PAPSS2: variants seen among roughly 807,000 people sequenced by gnomAD.
PAPSS2 encodes the protein bifunctional 3'-phosphoadenosine 5'-phosphosulfate synthase 2.
In PAPSS2, 61 loss-of-function variants were observed where a neutral mutation model predicts 66.5. The ratio of observed to expected loss-of-function variants is 0.92; its 90% CI spans 0.75 to 1.14. The LOEUF (loss-of-function observed/expected upper bound fraction) is 1.14, where lower values mean the gene tolerates loss of function less well. PAPSS2 is among the 50% of genes most tolerant of loss of function. The pLI, the probability that PAPSS2 is intolerant of heterozygous loss-of-function variation, is 0.00. For missense variants in PAPSS2, 708 were observed against 789.6 expected (o/e 0.90, Z 1.24); for synonymous variants, 289 against 287.5 (o/e 1.01, Z -0.05).
intron 1 of PAPSS2, among the ~76,000 whole-genome samples, chr10:87,678,235 G>A (rs990938703): frequency 1.4e-4 from 21 of 152,014 alleles, no homozygotes; most frequent in African/African-American, 3.1e-4. Flanking sequence ...GAAAATTGAC[G>A]ATCCATACAC....
At chr10:87,706,598 A>G (rs1221387575) in intron 1 of PAPSS2, among the ~76,000 whole-genome samples, 1 of 151,724 alleles carries the variant, frequency 6.6e-6, no homozygotes, top group Non-Finnish European at 1.5e-5. Context: ...CTGTACAAAA[A>G]AAAAAAAAAA....
intron 1 of PAPSS2, among the ~76,000 whole-genome samples, chr10:87,707,555 CT>C (rs1233023533): frequency 7.8e-6 from 1 of 127,742 alleles, no homozygotes; most frequent in Non-Finnish European, 1.7e-5. Context: ...GTTTTCATTT[CT>C]TTTTTTTCTT....
intron 9 of PAPSS2, among the ~76,000 whole-genome samples, 189 bp downstream of exon 9, chr10:87,727,678 GT>G (rs1853677198): frequency 6.6e-6 from 1 of 152,216 alleles, no homozygotes; most frequent in Non-Finnish European, 1.5e-5. Context: ...ATGTCTTTCT[GT>G]TTGAGGTCTG....
At chr10:87,703,287 G>A (rs1853341724) in intron 1 of PAPSS2, among the ~76,000 whole-genome samples, 2 of 68,694 alleles carry the variant, frequency 2.9e-5, no homozygotes, top group South Asian at 6.8e-4. Flanking sequence ...GTGTGTGTGT[G>A]TGTGTGTGTG....
rs192213949 is a variant in PAPSS2, at chr10:87,681,545, T to A, written c.27+21537T>A. ...AGACTTTTCTTAGAAACAGCTTTATTGAGAAATAATTTATATACTATAAAA... is the reference window on the plus strand; with the variant it reads ...AGACTTTTCTTAGAAACAGCTTTATAGAGAAATAATTTATATACTATAAAA... On this transcript the variant is annotated intron_variant, in intron 1 of 12. Transcript: ENST00000456849. 6.4e-4 allele frequency among the ~76,000 whole-genome samples: 97 copies of A among 152,346 alleles called. 1 individual carries two copies. The highest frequency in any genetic ancestry group is 2.1e-3 in the African/African-American group (86 of 41,568).
intron 1 of PAPSS2, among the ~76,000 whole-genome samples, chr10:87,670,577 C>G (rs1011233212): frequency 2.9e-5 from 1 of 34,830 alleles, no homozygotes; most frequent in Admixed American, 3.2e-4. Context: ...AAAGATGGAG[C>G]ACACACACAC....
chr10:87,728,630 C>T (rs937402596), intron 9 of PAPSS2, among the ~76,000 whole-genome samples: 2 of 152,116 alleles, frequency 1.3e-5, no homozygotes, highest in Non-Finnish European at 2.9e-5. Flanking sequence ...ATCCCAGCTA[C>T]TCAGGAGGCT....
chr10:87,676,458 G>A (rs1181660092), intron 1 of PAPSS2, among the ~76,000 whole-genome samples: 1 of 152,090 alleles, frequency 6.6e-6, no homozygotes, highest in Non-Finnish European at 1.5e-5. Context: ...TAGCATTTCT[G>A]GGAGAAATAT....
intron 1 of PAPSS2, among the ~76,000 whole-genome samples, chr10:87,706,108 A>ATATATATGTGTGTGTGTGTGTGTGTG: frequency 5.8e-5 from 3 of 52,018 alleles, no homozygotes; most frequent in African/African-American, 3.0e-4. Flanking sequence ...ATATATATAT[A>ATATATATGTGTGTGTGTGTGTGTGTG]TGTGTGTGTG....
intron 1 of PAPSS2, among the ~76,000 whole-genome samples, chr10:87,688,757 G>A (rs896099012): frequency 4.0e-5 from 6 of 151,802 alleles, no homozygotes. Flanking sequence ...AAGGCCGGCA[G>A]AACTATGGAA....
intron 2 of PAPSS2, among the ~76,000 whole-genome samples, chr10:87,709,518 AT>A (rs1194408910): frequency 6.6e-6 from 1 of 152,196 alleles, no homozygotes; most frequent in African/African-American, 2.4e-5. Flanking sequence ...TAAGAGTCTG[AT>A]CAAGTCAACT....
chr10:87,729,313 C>T (rs1011539411), intron 9 of PAPSS2, among the ~76,000 whole-genome samples: 15 of 151,596 alleles, frequency 9.9e-5, no homozygotes, highest in African/African-American at 3.4e-4. Context: ...TTCCCAGCAG[C>T]GTGTGCTCAT....
chr10:87,734,333 A>G (rs113609431), intron 9 of PAPSS2, among the ~76,000 whole-genome samples: 93 of 152,160 alleles, frequency 6.1e-4, no homozygotes, highest in Non-Finnish European at 1.1e-3. Context: ...CCTATGACAC[A>G]TGAGCATAAC....
intron 6 of PAPSS2, among the ~76,000 whole-genome samples, chr10:87,715,414 T>C (rs1166599819): frequency 6.6e-6 from 1 of 152,178 alleles, no homozygotes; most frequent in African/African-American, 2.4e-5. Flanking sequence ...CAGACCAGGA[T>C]TTTTGTGGAT....
intron 1 of PAPSS2, among the ~76,000 whole-genome samples, chr10:87,676,194 G>T (rs1464365449): frequency 1.3e-5 from 2 of 152,008 alleles, no homozygotes; most frequent in Non-Finnish European, 2.9e-5. Context: ...AGCTGTTCTT[G>T]ACGGTGGTGA....
chr10:87,706,108 A>ATATATATATATGTGTGTGTGTGTGTGTG, intron 1 of PAPSS2, among the ~76,000 whole-genome samples: 1 of 52,000 alleles, frequency 1.9e-5, no homozygotes, highest in African/African-American at 1.0e-4. Context: ...ATATATATAT[A>ATATATATATATGTGTGTGTGTGTGTGTG]TGTGTGTGTG....
chr10:87,698,913 CACTTATTCAGTTAAG>C (rs1404382528), intron 1 of PAPSS2, among the ~76,000 whole-genome samples: 2 of 152,178 alleles, frequency 1.3e-5, no homozygotes, highest in Non-Finnish European at 2.9e-5. Context: ...AATTTAGTGA[CACTTATTCAGTTAAG>C]ACTTTCCTAT....
At chr10:87,718,700 G>A (rs150594863) in intron 7 of PAPSS2, among the ~76,000 whole-genome samples, 1 of 152,226 alleles carries the variant, frequency 6.6e-6, no homozygotes, top group Non-Finnish European at 1.5e-5. Context: ...AAGTTTTGGT[G>A]CCAGTAGGGC....
intron 9 of PAPSS2, among the ~76,000 whole-genome samples, chr10:87,733,212 C>A (rs1191307163): frequency 6.6e-6 from 1 of 152,166 alleles, no homozygotes; most frequent in Non-Finnish European, 1.5e-5. Flanking sequence ...AGGAAATGGT[C>A]TGCCTTTGTT....
Sources: gnomAD v4.1 joint callset for allele counts (sites outside exome capture counted in the v4.1 genomes callset) on GRCh38, gnomAD v4.1.1 for gene constraint, MANE v1.5 for transcripts, NCBI Gene and HGNC (gene_info 2026-07-23, HGNC 2026-07-21) for gene names.